RELN: variants seen among roughly 807,000 people sequenced by gnomAD.
The protein encoded by RELN is reelin.
In RELN, 108 loss-of-function variants were observed where a neutral mutation model predicts 427.6. The observed-to-expected ratio is 0.25, with a 90% CI of 0.22 to 0.30. RELN has a LOEUF of 0.30. Among genes scored for constraint, RELN ranks in the 10% least tolerant of loss-of-function variants. The pLI, the probability that RELN is intolerant of heterozygous loss-of-function variation, is 1.00. For missense variants in RELN, 3,715 were observed against 4,302.8 expected, an observed-to-expected ratio of 0.86 and a Z score of 3.82; for synonymous variants, 1,524 against 1,513.4, an observed-to-expected ratio of 1.01 and a Z score of -0.16.
chr7:103,838,710 A>C (rs1793475323), intron 2 of RELN, among the ~76,000 whole-genome samples: 1 of 152,212 alleles, frequency 6.6e-6, no homozygotes, highest in Non-Finnish European at 1.5e-5. Flanking sequence ...GAAGGGAAAC[A>C]AATCAAGCAA....
chr7:103,764,986 T>C (rs1278113598), intron 4 of RELN, among the ~76,000 whole-genome samples: 1 of 151,158 alleles, frequency 6.6e-6, no homozygotes, highest in East Asian at 2.0e-4. Flanking sequence ...CCCTAGTGGG[T>C]TATTGGTGAC....
intron 6 of RELN, among the ~76,000 whole-genome samples, 168 bp from the exon 7 acceptor site, chr7:103,728,375 A>G (rs1013806119): frequency 1.8e-4 from 28 of 152,200 alleles, no homozygotes; most frequent in South Asian, 6.2e-4. Flanking sequence ...CTGAAACCAG[A>G]AAGACTTGAA....
At chr7:103,522,332 A>C (rs1053052561) in intron 47 of RELN, 133 bp from the exon 48 acceptor site, 1 of 811,442 alleles carries the variant, frequency 1.2e-6, no homozygotes, top group Non-Finnish European at 2.1e-6. Context: ...AGAGCTTGCC[A>C]GAATACACCT....
chr7:103,696,373 C>T (rs1462570595), intron 10 of RELN, among the ~76,000 whole-genome samples: 1 of 152,076 alleles, frequency 6.6e-6, no homozygotes, highest in Non-Finnish European at 1.5e-5. Context: ...CTAATGATTG[C>T]CAAATTTGGA....
intron 46 of RELN, among the ~76,000 whole-genome samples, chr7:103,527,732 C>G (rs1051224893): frequency 6.6e-6 from 1 of 152,240 alleles, no homozygotes; most frequent in African/African-American, 2.4e-5. Flanking sequence ...ATTTCCTCCA[C>G]TAGCCTATTT....
intron 13 of RELN, 27 bp from the exon 14 acceptor site, chr7:103,652,786 C>G (rs1290772657): frequency 3.1e-6 from 5 of 1,600,946 alleles, no homozygotes; most frequent in Non-Finnish European, 4.3e-6. Context: ...ACCAGAATCA[C>G]TCAAAATCCT....
Position 103,988,380 on chromosome 7 carries a change from T to A in RELN, c.226+751A>T, listed in dbSNP as rs1797146571. On this transcript the variant is annotated intron_variant, in intron 1 of 64. Coordinates refer to ENST00000428762, the MANE Select transcript of RELN (RefSeq NM_005045.4). The surrounding 1 kb of genome is among the most constrained non-coding windows in gnomAD (Gnocchi z 4.9). ...CCATTTTTAAGATACCTCTAAATTATAAGGGATTCCAGCCTCTACCTGGAA... is the reference window on the plus strand; with the variant it reads ...CCATTTTTAAGATACCTCTAAATTAAAAGGGATTCCAGCCTCTACCTGGAA... Among the ~76,000 whole-genome samples the A allele has an allele frequency of 6.6e-6, 1 of 152,218 alleles. No individual in the cohort carries two copies. The highest frequency in any genetic ancestry group is 2.4e-5 in the African/African-American group (1 of 41,460).
intron 27 of RELN, among the ~76,000 whole-genome samples, chr7:103,593,412 A>C (rs567391318): frequency 6.0e-4 from 91 of 152,334 alleles, no homozygotes; most frequent in African/African-American, 2.1e-3. Context: ...TTGAAGTTCT[A>C]AAAGTCAATT....
At chr7:103,489,705 G>C (rs752024494) in intron 60 of RELN, 37 bp downstream of exon 60, 1 of 1,608,900 alleles carries the variant, frequency 6.2e-7, no homozygotes, top group East Asian at 2.2e-5. Context: ...GAACCTCTTG[G>C]TCTCCTCTAT....
chr7:103,476,657 TA>T, intron 64 of RELN: 1 of 268,366 alleles, frequency 3.7e-6, no homozygotes, highest in Non-Finnish European at 8.0e-6. Flanking sequence ...CAAGCTATAC[TA>T]AAATGCTGTC....
At chr7:103,848,648 G>A (rs369681431) in intron 2 of RELN, among the ~76,000 whole-genome samples, 10 of 152,118 alleles carry the variant, frequency 6.6e-5, no homozygotes, top group African/African-American at 2.4e-4. Flanking sequence ...GTGTAAACTA[G>A]GTGACACGCC....
At chr7:103,520,022 C>T (rs1221807620) in intron 48 of RELN, among the ~76,000 whole-genome samples, 1 of 152,060 alleles carries the variant, frequency 6.6e-6, no homozygotes, top group Non-Finnish European at 1.5e-5. Context: ...TTACAGAGAA[C>T]AATGTATTCC....
At chr7:103,957,558 TCTC>T (rs1242938219) in intron 1 of RELN, among the ~76,000 whole-genome samples, 1 of 152,112 alleles carries the variant, frequency 6.6e-6, no homozygotes, top group Admixed American at 6.6e-5. Flanking sequence ...TGAAGTTACT[TCTC>T]CTGGTCACAC....
chr7:103,777,482 A>G (rs1173109122), intron 3 of RELN, among the ~76,000 whole-genome samples: 2 of 152,242 alleles, frequency 1.3e-5, no homozygotes, highest in Non-Finnish European at 2.9e-5. Flanking sequence ...AGTTTTAGCC[A>G]AAACCATCCT....
rs182282682 is a variant in RELN at position 103,649,344 on chromosome 7, C to A, written c.2002+930G>T. ...GTGATATTACTTAGAAAGTTGTAGA[C>A]CACATGCTCTCACTTATAAGCGGGA... is the stretch of plus-strand genomic sequence containing the variant. On this transcript the variant is annotated intron_variant, in intron 16 of 64. Coordinates refer to ENST00000428762, the MANE Select transcript of RELN (RefSeq NM_005045.4). Among the ~76,000 whole-genome samples, 128 of 152,070 alleles carry A rather than the reference C, an allele frequency of 8.4e-4. 1 individual carries two copies. Among genetic ancestry groups the A allele is most frequent in the Non-Finnish European group, 1.4e-3 (96 of 67,954 alleles).
chr7:103,977,121 G>T (rs930869714), intron 1 of RELN, among the ~76,000 whole-genome samples: 2 of 151,858 alleles, frequency 1.3e-5, no homozygotes, highest in African/African-American at 4.8e-5. Flanking sequence ...GACCAGCCTG[G>T]CCAACATGGT....
In RELN at chr7:103,626,769, A is replaced by G. The variant is rs1449378743; in HGVS notation, c.2702+3171T>C. Among the ~76,000 whole-genome samples the G allele has an allele frequency of 2.6e-5, 4 of 152,162 alleles. No homozygotes were observed. The highest frequency in any genetic ancestry group is 2.6e-4 in the Admixed American group (4 of 15,272). ...ATGTTCCCTTGGTATTATCACTAATAGTATTAGATGCAATATTTAATAAAC... is the reference window on the plus strand; with the variant it reads ...ATGTTCCCTTGGTATTATCACTAATGGTATTAGATGCAATATTTAATAAAC... On this transcript the variant is annotated intron_variant, in intron 20 of 64. Coordinates refer to ENST00000428762, the MANE Select transcript of RELN (RefSeq NM_005045.4). The surrounding 1 kb of genome is among the most constrained non-coding windows in gnomAD (Gnocchi z 4.4).
intron 1 of RELN, among the ~76,000 whole-genome samples, chr7:103,947,042 C>G (rs1381236815): frequency 6.6e-6 from 1 of 152,114 alleles, no homozygotes; most frequent in Non-Finnish European, 1.5e-5. Context: ...TAATATCCCC[C>G]CAAATGAATT....
intron 1 of RELN, among the ~76,000 whole-genome samples, chr7:103,933,077 T>C (rs1321459466): frequency 3.9e-5 from 6 of 152,160 alleles, no homozygotes; most frequent in Admixed American, 3.3e-4. Flanking sequence ...AGTCCCACCA[T>C]GGTGCATTCT....
Sources: gnomAD v4.1 joint callset for allele counts (sites outside exome capture counted in the v4.1 genomes callset) on GRCh38, gnomAD v4.1.1 for gene constraint, Gnocchi (gnomAD v3.1) non-coding constraint, MANE v1.5 for transcripts, NCBI Gene and HGNC (gene_info 2026-07-23, HGNC 2026-07-21) for gene names.